Variants in DPP6 observed in about 807,000 individuals in gnomAD.
DPP6 encodes the protein dipeptidyl peptidase like 6, also known as A-type potassium channel modulatory protein DPP6.
In DPP6, 69 loss-of-function variants were observed where a neutral mutation model predicts 122.6. The observed-to-expected ratio is 0.56, with a 90% CI of 0.46 to 0.69. The LOEUF (loss-of-function observed/expected upper bound fraction) is 0.69. Ranked by LOEUF, DPP6 falls within the 30% of genes least tolerant of loss-of-function variation. The pLI, the probability that DPP6 is intolerant of heterozygous loss-of-function variation, is 0.00. For synonymous variants in DPP6, 418 were observed against 433.1 expected (o/e 0.97, Z 0.43); for missense variants, 928 against 1,116.9 (o/e 0.83, Z 2.41).
the DPP6 span, among the ~76,000 whole-genome samples, chr7:153,763,244 C>A: frequency 6.6e-6 from 1 of 152,068 alleles, no homozygotes; most frequent in Non-Finnish European, 1.5e-5. Flanking sequence ...TGAAGAAAAA[C>A]CATTAATTCC....
At chr7:154,346,142 A>G (rs147591950) in intron 1 of DPP6, among the ~76,000 whole-genome samples, 185 of 152,240 alleles carry the variant, frequency 1.2e-3, no homozygotes, top group African/African-American at 4.2e-3. Context: ...GAATTTTCCA[A>G]TGGTGAAATT....
chr7:154,585,301 T>C (rs769324294), intron 5 of DPP6, among the ~76,000 whole-genome samples: 12 of 152,250 alleles, frequency 7.9e-5, no homozygotes, highest in Non-Finnish European at 1.6e-4. Context: ...TATGTAATAC[T>C]AGGATAGACT....
At chr7:154,242,405 T>C (rs1316481859) in intron 1 of DPP6, among the ~76,000 whole-genome samples, 1 of 152,184 alleles carries the variant, frequency 6.6e-6, no homozygotes, top group East Asian at 1.9e-4. Flanking sequence ...TGTGTATGTG[T>C]GTGAGTATAT....
At chr7:154,278,441 C>G (rs1804279252) in intron 1 of DPP6, among the ~76,000 whole-genome samples, 1 of 152,222 alleles carries the variant, frequency 6.6e-6, no homozygotes, top group African/African-American at 2.4e-5. Context: ...ACTCCAGCTG[C>G]TGCTGTAACT....
At chr7:153,921,497 A>T (rs1800637185) in intron 1 of DPP6, among the ~76,000 whole-genome samples, 1 of 152,260 alleles carries the variant, frequency 6.6e-6, no homozygotes, top group Non-Finnish European at 1.5e-5. Context: ...TGAGTAAAAG[A>T]AAATGAGGGT....
intron 5 of DPP6, among the ~76,000 whole-genome samples, chr7:154,570,749 C>G (rs774881718): frequency 6.6e-6 from 1 of 152,160 alleles, no homozygotes; most frequent in Non-Finnish European, 1.5e-5. Flanking sequence ...CACAAGTTAG[C>G]TCATCTTAAC....
At chr7:154,086,424 AGGAAGG>A (rs1403505664) in intron 1 of DPP6, among the ~76,000 whole-genome samples, 1 of 148,182 alleles carries the variant, frequency 6.7e-6, no homozygotes, top group African/African-American at 2.5e-5. Context: ...TGGCAGCAGC[AGGAAGG>A]GCACTGTGGT....
intron 1 of DPP6, among the ~76,000 whole-genome samples, chr7:154,189,720 G>A (rs1798521932): frequency 6.6e-6 from 1 of 152,164 alleles, no homozygotes. Context: ...AGACCAGCGA[G>A]GCTATCTTTG....
intron 5 of DPP6, among the ~76,000 whole-genome samples, chr7:154,617,831 G>A (rs1400699550): frequency 2.0e-5 from 3 of 152,184 alleles, no homozygotes; most frequent in African/African-American, 7.2e-5. Context: ...AAGACAGAAG[G>A]TTTAGTAGCA....
chr7:153,840,086 A>G, the DPP6 span, among the ~76,000 whole-genome samples: 21 of 152,292 alleles, frequency 1.4e-4, no homozygotes, highest in Admixed American at 1.1e-3. Context: ...GAAATTTGCA[A>G]CTTTGTACAA....
At chr7:153,995,932 A>G (rs1214994913) in intron 1 of DPP6, among the ~76,000 whole-genome samples, 3 of 152,204 alleles carry the variant, frequency 2.0e-5, no homozygotes, top group African/African-American at 7.2e-5. Flanking sequence ...TGACCAAGCT[A>G]TTTATGTTAT....
intron 16 of DPP6, among the ~76,000 whole-genome samples, chr7:154,825,550 A>G (rs923777085): frequency 2.0e-5 from 3 of 152,304 alleles, no homozygotes; most frequent in African/African-American, 7.2e-5. Context: ...GCATCTGTCC[A>G]TGTGAGGAAA....
intron 1 of DPP6, among the ~76,000 whole-genome samples, chr7:154,157,058 C>T (rs1796719814): frequency 6.6e-6 from 1 of 152,192 alleles, no homozygotes; most frequent in Non-Finnish European, 1.5e-5. Context: ...TAATTAAATC[C>T]TGATGTGTGA....
chr7:154,885,074 G>T (rs891204215), intron 21 of DPP6: 1 of 152,834 alleles, frequency 6.5e-6, no homozygotes, highest in Non-Finnish European at 1.5e-5. Flanking sequence ...TTTTCTCTGG[G>T]GAGGCCTGCG....
the DPP6 span, among the ~76,000 whole-genome samples, chr7:153,826,839 A>C: frequency 1.5e-5 from 2 of 129,942 alleles, no homozygotes; most frequent in Non-Finnish European, 3.5e-5. Flanking sequence ...ATATTCAGCA[A>C]ATATATATAT....
At chr7:154,030,339 T>C (rs6961937) in intron 1 of DPP6, among the ~76,000 whole-genome samples, 46,885 of 152,050 alleles carry the variant, frequency 0.31, 8,903 homozygotes, top group African/African-American at 0.54. Context: ...TGTCCAGTGC[T>C]GTGGAAGGCC....
intron 3 of DPP6, among the ~76,000 whole-genome samples, chr7:154,520,800 C>G (rs1181496410): frequency 6.6e-6 from 1 of 152,188 alleles, no homozygotes; most frequent in Non-Finnish European, 1.5e-5. Context: ...CCTCACATTT[C>G]CATCAGTGTC....
At chr7:154,660,841 C>G (rs371346362) in intron 6 of DPP6, among the ~76,000 whole-genome samples, 52 of 31,248 alleles carry the variant, frequency 1.7e-3, no homozygotes, top group Non-Finnish European at 2.5e-3. Context: ...GGCGTATTGG[C>G]CGTAGTGTTC....
chr7:154,106,588 A>G (rs1806176026), intron 1 of DPP6, among the ~76,000 whole-genome samples: 1 of 147,492 alleles, frequency 6.8e-6, no homozygotes, highest in South Asian at 2.3e-4. Context: ...AATGCTCCTG[A>G]CTTTGTAGGA....
Sources: allele counts gnomAD v4.1 joint callset (sites outside exome capture counted in the v4.1 genomes callset), GRCh38; gene constraint gnomAD v4.1.1; transcripts MANE v1.5; gene names NCBI Gene and HGNC (gene_info 2026-07-23, HGNC 2026-07-21).